Variants in CCL17 observed in about 807,000 individuals in gnomAD.
CCL17 encodes C-C motif chemokine ligand 17.
CCL17 carries 8 observed loss-of-function variants against 7.4 expected under a neutral mutation model. The ratio of observed to expected loss-of-function variants is 1.09; its 90% CI spans 0.64 to 1.96. The LOEUF is 1.96. Among genes scored for constraint, CCL17 ranks in the 30% most tolerant of loss-of-function variants. The probability of loss-of-function intolerance (pLI) is 0.00; values close to 1 mark genes in which losing one functional copy is unlikely to be tolerated. For missense variants in CCL17, 102 were observed against 113.0 expected (o/e 0.90, Z 0.44); for synonymous variants, 40 against 46.1 (o/e 0.87, Z 0.54).
At chr16:57,397,735 C>A in the CCL17 span, among the ~76,000 whole-genome samples, 1 of 152,212 alleles carries the variant, frequency 6.6e-6, no homozygotes, top group Non-Finnish European at 1.5e-5. Flanking sequence ...AGCACACTTG[C>A]TATCTGTGTA....
upstream of CCL17, among the ~76,000 whole-genome samples, chr16:57,403,461 ATATTATATTATATATAT>A (rs1179796551): frequency 8.4e-4 from 2 of 2,372 alleles, no homozygotes; most frequent in Non-Finnish European, 3.0e-3. Context: ...ATTATAATAT[ATATTATATTATATATAT>A]TATATAATAA....
At chr16:57,414,701 A>G (rs373155107) in intron 2 of CCL17, among the ~76,000 whole-genome samples, 8 of 152,264 alleles carry the variant, frequency 5.3e-5, no homozygotes, top group African/African-American at 1.9e-4. Context: ...CCAGACTGAA[A>G]AAAGAGATTC....
chr16:57,407,550 C>T (rs1598010901), intron 1 of CCL17, among the ~76,000 whole-genome samples: 1 of 152,278 alleles, frequency 6.6e-6, no homozygotes, highest in East Asian at 1.9e-4. Context: ...TGCATTCATG[C>T]ATGTATATAT....
At position 57,415,984 on chromosome 16, in the gene CCL17, C is replaced by A. The variant is rs1902864886; in HGVS notation, c.*123C>A. 2 of 653,020 alleles carry A rather than the reference C, an allele frequency of 3.1e-6. No individual in the cohort carries two copies. Among genetic ancestry groups the A allele is most frequent in the South Asian group, 3.5e-5 (2 of 56,678 alleles). The allele number at this position is 653,020 out of a possible 1,614,324, so 40.5% of individuals were successfully genotyped here. Reference sequence around the variant, plus strand: ...GAGGCCTTCCAGGGACGAAGAAGAGCCACAGTGAGGGAGATCCCATCCCCT... The same window carrying A: ...GAGGCCTTCCAGGGACGAAGAAGAGACACAGTGAGGGAGATCCCATCCCCT... On this transcript the variant is annotated 3_prime_UTR_variant, in exon 4 of 4. Coordinates refer to ENST00000219244, the MANE Select transcript of CCL17 (RefSeq NM_002987.3). This position sits in a 1 kb window ranked among gnomAD's most constrained non-coding sequence, Gnocchi z 4.5.
intron 1 of CCL17, among the ~76,000 whole-genome samples, chr16:57,409,986 G>C (rs1411025700): frequency 6.6e-6 from 1 of 152,140 alleles, no homozygotes; most frequent in Non-Finnish European, 1.5e-5. Context: ...GGGAGACCTC[G>C]GGCAAGTCAC....
upstream of CCL17, among the ~76,000 whole-genome samples, chr16:57,404,233 G>A (rs1598009593): frequency 1.3e-5 from 2 of 152,152 alleles, no homozygotes; most frequent in Non-Finnish European, 2.9e-5. Flanking sequence ...CCACGGGGAC[G>A]TTCTGAACAC....
At chr16:57,409,498 C>T (rs1300893082) in intron 1 of CCL17, among the ~76,000 whole-genome samples, 5 of 152,130 alleles carry the variant, frequency 3.3e-5, no homozygotes, top group Admixed American at 6.5e-5. Flanking sequence ...GAGCCTTGCT[C>T]AGACTTGTGT....
At chr16:57,403,668 A>ATATTTTTT (rs1567561316), upstream of CCL17, among the ~76,000 whole-genome samples, 2 of 91,152 alleles carry the variant, frequency 2.2e-5, no homozygotes, top group South Asian at 2.8e-4. Context: ...ATATATATAT[A>ATATTTTTT]TTTTTTGAGA....
At chr16:57,411,981 G>T (rs1352118742) in intron 1 of CCL17, among the ~76,000 whole-genome samples, 5 of 152,256 alleles carry the variant, frequency 3.3e-5, no homozygotes, top group African/African-American at 1.2e-4. Flanking sequence ...GGCACAGGAG[G>T]GGTGGCTGGG....
intron 1 of CCL17, among the ~76,000 whole-genome samples, chr16:57,406,655 GA>G (rs1469735697): frequency 6.6e-6 from 1 of 152,164 alleles, no homozygotes; most frequent in African/African-American, 2.4e-5. Flanking sequence ...CATCAAGAAG[GA>G]TGGTAGGTTC....
Position 57,415,102 on chromosome 16 carries a change from G to T in CCL17, c.92G>T (p.Arg31Leu). 8 of 1,613,652 alleles carry T rather than the reference G, an allele frequency of 5.0e-6. No homozygotes were observed. The highest frequency in any genetic ancestry group is 5.1e-6 in the Non-Finnish European group (6 of 1,179,606). The change falls in exon 3 of 4, where the codon CGG (arginine) becomes CTG (leucine). Residue 31 changes from arginine to leucine, a missense_variant. Physicochemically the swap from Arg to Leu is moderately radical, Grantham distance 102. Transcript: ENST00000219244. The surrounding 1 kb of genome is among the most constrained non-coding windows in gnomAD (Gnocchi z 4.5). ...GCAGCTCGAGGGACCAATGTGGGCC[G>T]GGAGTGCTGCCTGGAGTACTTCAAG... ...IHAARGTNVG[R>L]ECCLEYFKGA...
chr16:57,414,410 CTTTTTTTT>C (rs71152269), intron 2 of CCL17, among the ~76,000 whole-genome samples: 2 of 75,994 alleles, frequency 2.6e-5, no homozygotes, highest in South Asian at 6.3e-4. Flanking sequence ...AAAAAGGATT[CTTTTTTTT>C]TTTTTTTTTT....
At position 57,411,021 on chromosome 16, in the gene CCL17, C is replaced by T. The variant is rs540803142; in HGVS notation, c.-59-2853C>T. Among the ~76,000 whole-genome samples the T allele has an allele frequency of 3.9e-5, 6 of 152,302 alleles. No individual in the cohort carries two copies. The East Asian group carries it at 1.2e-3, about 29-fold the overall frequency. On this transcript the variant is annotated intron_variant, in intron 1 of 3. Coordinates refer to ENST00000219244, the MANE Select transcript of CCL17 (RefSeq NM_002987.3). ...TTGCCCTAATTTATCTCTGCACATT[C>T]CCCTCTCTGCACCTTTGCCTAAACA...
At chr16:57,400,346 G>A (rs575047226), upstream of CCL17, among the ~76,000 whole-genome samples, 154 of 151,940 alleles carry the variant, frequency 1.0e-3, no homozygotes, top group African/African-American at 3.2e-3. Context: ...GCAACAGAGC[G>A]AGACTCCGTC....
upstream of CCL17, among the ~76,000 whole-genome samples, chr16:57,402,019 G>C (rs1228537357): frequency 6.6e-6 from 1 of 152,250 alleles, no homozygotes; most frequent in African/African-American, 2.4e-5. Flanking sequence ...AGGCAAGGCA[G>C]AAAGGAAGGG....
intron 1 of CCL17, among the ~76,000 whole-genome samples, chr16:57,406,042 A>AG (rs1327742315): frequency 4.7e-5 from 1 of 21,210 alleles, no homozygotes; most frequent in Non-Finnish European, 1.1e-4. Context: ...ACTCCGTCTC[A>AG]AAAAAAAAAA....
intron 1 of CCL17, among the ~76,000 whole-genome samples, chr16:57,407,037 A>G (rs190586426): frequency 6.6e-6 from 1 of 152,296 alleles, no homozygotes; most frequent in East Asian, 1.9e-4. Context: ...GTGGGCAGAG[A>G]GGAAATGGTA....
chr16:57,413,398 T>C (rs1312767268), intron 1 of CCL17, among the ~76,000 whole-genome samples: 1 of 151,230 alleles, frequency 6.6e-6, no homozygotes, highest in Non-Finnish European at 1.5e-5. Flanking sequence ...TCACTCATGG[T>C]CCAGGAGCCC....
At chr16:57,396,527 A>G in the CCL17 span, among the ~76,000 whole-genome samples, 1 of 152,192 alleles carries the variant, frequency 6.6e-6, no homozygotes, top group African/African-American at 2.4e-5. Flanking sequence ...ACTAGGAACC[A>G]TTCAAGAGAG....
Sources: allele counts gnomAD v4.1 joint callset (sites outside exome capture counted in the v4.1 genomes callset), GRCh38; gene constraint gnomAD v4.1.1; non-coding constraint Gnocchi (gnomAD v3.1); transcripts MANE v1.5; gene names NCBI Gene and HGNC (gene_info 2026-07-23, HGNC 2026-07-21).